Variants in PARD6B observed in about 807,000 individuals in gnomAD.
The protein encoded by PARD6B is par-6 family cell polarity regulator beta, also known as partitioning defective 6 homolog beta.
A neutral mutation model predicts 10.5 loss-of-function variants in PARD6B; 4 were observed. That is an observed-to-expected ratio of 0.38 (90% confidence interval 0.19 to 0.87). The LOEUF is 0.87. PARD6B is among the 40% of genes least tolerant of loss of function. PARD6B has a pLI of 0.41. For synonymous variants in PARD6B, 169 were observed against 170.4 expected (o/e 0.99, Z 0.07); for missense variants, 396 against 470.6 (o/e 0.84, Z 1.47).
At chr20:50,734,758 T>C (rs2087490810) in intron 1 of PARD6B, among the ~76,000 whole-genome samples, 1 of 152,134 alleles carries the variant, frequency 6.6e-6, no homozygotes, top group Non-Finnish European at 1.5e-5. Context: ...TGAGCTCAAG[T>C]GATATTCCCA....
intron 2 of PARD6B, among the ~76,000 whole-genome samples, chr20:50,746,824 T>G (rs1406832564): frequency 6.6e-6 from 1 of 152,220 alleles, no homozygotes; most frequent in Non-Finnish European, 1.5e-5. Context: ...GTCTGGAATT[T>G]CCCTTATAAA....
Position 50,750,450 on chromosome 20 carries a change from A to G in PARD6B, c.1081A>G (p.Lys361Glu). The part of the protein sequence containing the change: ...TEFETHAPDQ[K>E]LLEEDGTIIT... Reference sequence around the variant, plus strand: ...ATTTGAAACACATGCTCCAGATCAAAAACTCTTAGAAGAAGATGGAACAAT... The same window carrying G: ...ATTTGAAACACATGCTCCAGATCAAGAACTCTTAGAAGAAGATGGAACAAT... Residue 361 changes from lysine to glutamate, a missense_variant, in exon 3 of 3, where the codon AAA becomes GAA. By Grantham distance (56) the Lys-to-Glu change is moderately conservative (BLOSUM62 1). This residue lies in a region of PARD6B where 188 missense variants were observed against 169.7 expected (regional missense o/e 1.11). Coordinates refer to ENST00000371610, the MANE Select transcript of PARD6B (RefSeq NM_032521.3). 1 of 1,613,962 alleles carries G rather than the reference A, an allele frequency of 6.2e-7. No individual in the cohort carries two copies. Among genetic ancestry groups the G allele is most frequent in the Non-Finnish European group, 8.5e-7 (1 of 1,179,942 alleles).
intron 2 of PARD6B, among the ~76,000 whole-genome samples, chr20:50,742,782 G>A (rs2087537883): frequency 1.3e-5 from 2 of 152,156 alleles, no homozygotes; most frequent in Non-Finnish European, 2.9e-5. Flanking sequence ...ACAATTCAAT[G>A]TGTAAACTAC....
At position 50,752,796 on chromosome 20, in the gene PARD6B, A is replaced by G. The variant is rs186056261; in HGVS notation, c.*2308A>G. On this transcript the variant is annotated 3_prime_UTR_variant, in exon 3 of 3. Transcript: ENST00000371610. The stretch of plus-strand genomic sequence containing the variant: ...AGATCACTTGACTCAGAATACTTCA[A>G]TGTATTTTGTTCACATTACCACTAA... 158 of 975,614 alleles carry G rather than the reference A, an allele frequency of 1.6e-4. No homozygotes were observed. In the African/African-American group the frequency reaches 2.7e-3, roughly 17 times the overall value. 60.4% of individuals were successfully genotyped at this position (975,614 alleles called of 1,614,324 possible). A position where few individuals can be genotyped will look rare whatever the true frequency, so the allele number is the denominator to read the frequency against.
In PARD6B at chr20:50,750,684, T is replaced by A; in HGVS notation, c.*196T>A. ...TTGGTGGATCAGAGGTGAATTTAAG[T>A]CCAAAACAAAGGGGCCTTTGCTGAT... is the stretch of plus-strand genomic sequence containing the variant. On this transcript the variant is annotated 3_prime_UTR_variant, in exon 3 of 3. Coordinates refer to ENST00000371610, the MANE Select transcript of PARD6B (RefSeq NM_032521.3). 1.5e-6 allele frequency: 2 copies of A among 1,361,208 alleles called. No individual in the cohort carries two copies. The highest frequency in any genetic ancestry group is 9.4e-7 in the Non-Finnish European group (1 of 1,060,978). 84.3% of individuals were successfully genotyped at this position (1,361,208 alleles called of 1,614,324 possible). A position where few individuals can be genotyped will look rare whatever the true frequency, so the allele number is the denominator to read the frequency against.
In PARD6B at chr20:50,752,146, A is replaced by G. The variant is rs1466941141; in HGVS notation, c.*1658A>G. On this transcript the variant is annotated 3_prime_UTR_variant, in exon 3 of 3. Coordinates refer to ENST00000371610, the MANE Select transcript of PARD6B (RefSeq NM_032521.3). Reference sequence around the variant, plus strand: ...ATTCTCTTGACTTTGGAAATATGGAAGTCTCTCCTTTAACCTATTCTTGTT... The same window carrying G: ...ATTCTCTTGACTTTGGAAATATGGAGGTCTCTCCTTTAACCTATTCTTGTT... 3 of 985,396 alleles carry G rather than the reference A, an allele frequency of 3.0e-6. No homozygotes were observed. The highest frequency in any genetic ancestry group is 3.6e-6 in the Non-Finnish European group (3 of 829,664). 61.0% of individuals were successfully genotyped at this position (985,396 alleles called of 1,614,324 possible).
chr20:50,747,076 C>G (rs549919870), intron 2 of PARD6B, among the ~76,000 whole-genome samples: 1 of 152,064 alleles, frequency 6.6e-6, no homozygotes, highest in Non-Finnish European at 1.5e-5. Flanking sequence ...ATAAGATACC[C>G]GTAACCTTAT....
At chr20:50,749,358 A>T (rs1276818174) in intron 2 of PARD6B, among the ~76,000 whole-genome samples, 2 of 150,868 alleles carry the variant, frequency 1.3e-5, no homozygotes, top group Non-Finnish European at 3.0e-5. Flanking sequence ...AAAAAAAAAT[A>T]TGTAAGATCT....
At chr20:50,733,635 TA>T (rs1477766195) in intron 1 of PARD6B, among the ~76,000 whole-genome samples, 9 of 152,226 alleles carry the variant, frequency 5.9e-5, no homozygotes, top group African/African-American at 2.2e-4. Flanking sequence ...ACTTTTCCTT[TA>T]GCGGTATGGT....
chr20:50,742,630 T>C (rs1401737209), intron 2 of PARD6B, among the ~76,000 whole-genome samples: 1 of 152,114 alleles, frequency 6.6e-6, no homozygotes, highest in Non-Finnish European at 1.5e-5. Context: ...CCTCTCATAG[T>C]GCTGGGATTA....
At chr20:50,745,859 G>A (rs1160275877) in intron 2 of PARD6B, among the ~76,000 whole-genome samples, 1 of 152,120 alleles carries the variant, frequency 6.6e-6, no homozygotes, top group African/African-American at 2.4e-5. Context: ...TGATTATATA[G>A]CCTGTAATAC....
intron 2 of PARD6B, among the ~76,000 whole-genome samples, chr20:50,738,336 A>T (rs539604643): frequency 6.6e-6 from 1 of 152,332 alleles, no homozygotes; most frequent in South Asian, 2.1e-4. Flanking sequence ...ATTTTTCCTT[A>T]AGTAGAAATT....
Position 50,750,635 on chromosome 20 carries a change from G to T in PARD6B, c.*147G>T, listed in dbSNP as rs1442481844. On this transcript the variant is annotated 3_prime_UTR_variant, in exon 3 of 3. Transcript: ENST00000371610. ...AGCTTACAATATTATTAAAGTAGTA[G>T]TTTGATAATTGTTAATATAAACTTT... 1.4e-6 allele frequency: 2 copies of T among 1,412,448 alleles called. No homozygotes were observed. Among genetic ancestry groups the T allele is most frequent in the Non-Finnish European group, 1.8e-6 (2 of 1,087,472 alleles). The allele number at this position is 1,412,448 out of a possible 1,614,324, so 87.5% of individuals were successfully genotyped here.
chr20:50,742,112 G>A (rs1306838169), intron 2 of PARD6B, among the ~76,000 whole-genome samples: 1 of 152,148 alleles, frequency 6.6e-6, no homozygotes, highest in Non-Finnish European at 1.5e-5. Flanking sequence ...GAATGCAGGG[G>A]CGTGACCTCC....
intron 2 of PARD6B, among the ~76,000 whole-genome samples, chr20:50,749,109 C>T (rs571650078): frequency 5.9e-5 from 9 of 152,142 alleles, no homozygotes; most frequent in East Asian, 1.9e-4. Context: ...TTTGGGAGGC[C>T]GAGGTGGGTG....
intron 2 of PARD6B, among the ~76,000 whole-genome samples, chr20:50,747,814 T>G (rs2123707378): frequency 6.6e-6 from 1 of 152,252 alleles, no homozygotes; most frequent in East Asian, 1.9e-4. Context: ...CGCAAGATTT[T>G]GCCTAAAAAC....
chr20:50,748,310 C>T (rs569337428), intron 2 of PARD6B, among the ~76,000 whole-genome samples: 1 of 152,370 alleles, frequency 6.6e-6, no homozygotes, highest in South Asian at 2.1e-4. Flanking sequence ...TGCCTCTGCA[C>T]TCCAGCCAGG....
rs2087617001 is a variant in PARD6B at position 50,752,277 on chromosome 20, A to C, written c.*1789A>C. The C allele has an allele frequency of 1.0e-6, 1 of 985,770 alleles. No homozygotes were observed. 61.1% of individuals were successfully genotyped at this position (985,770 alleles called of 1,614,324 possible). A position where few individuals can be genotyped will look rare whatever the true frequency, so the allele number is the denominator to read the frequency against. On this transcript the variant is annotated 3_prime_UTR_variant, in exon 3 of 3. Coordinates refer to ENST00000371610, the MANE Select transcript of PARD6B (RefSeq NM_032521.3). ...GTATGCATCATTTTGGATAAAAAAT[A>C]CATCCAAATTAAGATGTTTTAACAC...
intron 2 of PARD6B, among the ~76,000 whole-genome samples, chr20:50,744,822 C>T (rs1393852096): frequency 6.6e-6 from 1 of 152,214 alleles, no homozygotes; most frequent in African/African-American, 2.4e-5. Context: ...TGCCTTACTC[C>T]TACAAGCCAG....
Sources: gnomAD v4.1 joint callset for allele counts (sites outside exome capture counted in the v4.1 genomes callset) on GRCh38, gnomAD v4.1.1 for gene constraint, gnomAD v4.1.1 regional missense constraint, MANE v1.5 for transcripts, NCBI Gene and HGNC (gene_info 2026-07-23, HGNC 2026-07-21) for gene names.